Variants in FOXO1 observed in about 807,000 individuals in gnomAD.
FOXO1 encodes the protein forkhead box O1.
A neutral mutation model predicts 44.1 loss-of-function variants in FOXO1; 6 were observed. The ratio of observed to expected loss-of-function variants is 0.14; its 90% CI spans 0.07 to 0.27. The LOEUF (loss-of-function observed/expected upper bound fraction) is 0.27. Among genes scored for constraint, FOXO1 ranks in the 10% least tolerant of loss-of-function variants. The probability of loss-of-function intolerance (pLI) is 1.00; values close to 1 mark genes in which losing one functional copy is unlikely to be tolerated. For missense variants in FOXO1, 737 were observed against 888.8 expected (o/e 0.83, Z 2.17); for synonymous variants, 380 against 362.7 (o/e 1.05, Z -0.54).
chr13:40,652,228 A>C (rs1877708518), intron 1 of FOXO1, among the ~76,000 whole-genome samples: 1 of 152,136 alleles, frequency 6.6e-6, no homozygotes, highest in Non-Finnish European at 1.5e-5. Flanking sequence ...CCTGTATTCA[A>C]ATCACAGTAT....
chr13:40,602,441 C>T (rs1875844644), intron 1 of FOXO1, among the ~76,000 whole-genome samples: 1 of 152,072 alleles, frequency 6.6e-6, no homozygotes, highest in Non-Finnish European at 1.5e-5. Context: ...TTTTAAAATT[C>T]AAAGCATAAA....
At position 40,557,518 on chromosome 13, in the gene FOXO1, A is replaced by G. The variant is rs1220205241; in HGVS notation, c.*1531T>C. ...GTAAGTTCTATTCCATTTGCTACCC[A>G]TCTGAACTTATGAACACAAATTCTA... On this transcript the variant is annotated 3_prime_UTR_variant, in exon 3 of 3. Transcript: ENST00000379561. 2 of 152,252 alleles carry G rather than the reference A, an allele frequency of 1.3e-5. No homozygotes were observed. Among genetic ancestry groups the G allele is most frequent in the African/African-American group, 4.8e-5 (2 of 41,470 alleles). The allele number at this position is 152,252 out of a possible 1,614,324, so 9.4% of individuals were successfully genotyped here.
chr13:40,650,216 G>A (rs757875657), intron 1 of FOXO1, among the ~76,000 whole-genome samples: 6 of 152,320 alleles, frequency 3.9e-5, no homozygotes, highest in Middle Eastern at 6.8e-3. Flanking sequence ...GCTTGTGGGA[G>A]TGTGGCAGTG....
chr13:40,642,962 C>A (rs887067135), intron 1 of FOXO1, among the ~76,000 whole-genome samples: 17 of 152,176 alleles, frequency 1.1e-4, no homozygotes. Context: ...ATCCAAAATT[C>A]TCTCAAGGAG....
intron 1 of FOXO1, chr13:40,620,404 T>C (rs1314069956): frequency 1.1e-5 from 7 of 663,616 alleles, no homozygotes; most frequent in African/African-American, 9.1e-5. Context: ...GTTAGTACCA[T>C]AATTCTTCCT....
At chr13:40,590,931 ACTCTC>A (rs1875344309) in intron 1 of FOXO1, among the ~76,000 whole-genome samples, 1 of 151,664 alleles carries the variant, frequency 6.6e-6, no homozygotes, top group Admixed American at 6.6e-5. Context: ...CTTCATACCT[ACTCTC>A]CTCATTTATC....
intron 1 of FOXO1, among the ~76,000 whole-genome samples, chr13:40,604,083 A>T (rs1875910712): frequency 6.6e-6 from 1 of 152,202 alleles, no homozygotes; most frequent in Admixed American, 6.5e-5. Flanking sequence ...TTATGTGCCA[A>T]AATGGGGCAA....
rs118164922 is a variant in FOXO1 at position 40,621,537 on chromosome 13, C to A, written c.630+44046G>T. 2.4e-4 allele frequency among the ~76,000 whole-genome samples: 36 copies of A among 152,290 alleles called. 1 individual carries two copies. The East Asian group carries it at 6.9e-3, about 29-fold the overall frequency. ...ATTTATATAACATTTAAAATACAAACATTAAATTATCCAGAAACACAAAAT... is the reference window on the plus strand; with the variant it reads ...ATTTATATAACATTTAAAATACAAAAATTAAATTATCCAGAAACACAAAAT... On this transcript the variant is annotated intron_variant, in intron 1 of 2. Transcript: ENST00000379561.
At chr13:40,571,245 A>G (rs1162859242) in intron 1 of FOXO1, among the ~76,000 whole-genome samples, 1 of 152,080 alleles carries the variant, frequency 6.6e-6, no homozygotes, top group Non-Finnish European at 1.5e-5. Context: ...AGGGGGAGGG[A>G]TAGCATTAGG....
chr13:40,584,075 G>C (rs1875055633), intron 1 of FOXO1, among the ~76,000 whole-genome samples: 2 of 152,118 alleles, frequency 1.3e-5, no homozygotes, highest in African/African-American at 2.4e-5. Flanking sequence ...ACCCTGAAGA[G>C]GGGGAGACAG....
At chr13:40,643,720 A>G (rs554327870) in intron 1 of FOXO1, among the ~76,000 whole-genome samples, 1 of 152,176 alleles carries the variant, frequency 6.6e-6, no homozygotes, top group South Asian at 2.1e-4. Context: ...ATATAATCCT[A>G]ATGTCCGTAA....
At chr13:40,658,853 C>T (rs1287560551) in intron 1 of FOXO1, among the ~76,000 whole-genome samples, 1 of 150,890 alleles carries the variant, frequency 6.6e-6, no homozygotes, top group Non-Finnish European at 1.5e-5. Context: ...ACTAAAAATA[C>T]AAAAAAAAAT....
chr13:40,610,980 T>A (rs766009568), intron 1 of FOXO1: 2 of 448,728 alleles, frequency 4.5e-6, no homozygotes, highest in Non-Finnish European at 8.9e-6. Flanking sequence ...CATGTATCTA[T>A]ACACATACAT....
At chr13:40,624,580 T>G (rs1391109164) in intron 1 of FOXO1, among the ~76,000 whole-genome samples, 1 of 152,152 alleles carries the variant, frequency 6.6e-6, no homozygotes, top group Admixed American at 6.5e-5. Flanking sequence ...AGCACTCATC[T>G]CATCATAAAC....
intron 1 of FOXO1, among the ~76,000 whole-genome samples, chr13:40,614,373 A>T (rs1422347900): frequency 6.6e-6 from 1 of 152,226 alleles, no homozygotes; most frequent in Admixed American, 6.5e-5. Context: ...TCAAAGTGTG[A>T]TTCTGCAACA....
At chr13:40,615,263 G>A (rs956680320) in intron 1 of FOXO1, among the ~76,000 whole-genome samples, 6 of 152,166 alleles carry the variant, frequency 3.9e-5, no homozygotes, top group Non-Finnish European at 5.9e-5. Context: ...GGGGCCAGAC[G>A]CAGTGGCTCA....
chr13:40,562,259 G>A (rs898686855), intron 1 of FOXO1, among the ~76,000 whole-genome samples: 1 of 152,148 alleles, frequency 6.6e-6, no homozygotes, highest in Admixed American at 6.6e-5. Flanking sequence ...AACCTGGGAT[G>A]GGAAGAAATG....
At chr13:40,603,353 CAAAAAAAA>C (rs60741629) in intron 1 of FOXO1, among the ~76,000 whole-genome samples, 3 of 73,976 alleles carry the variant, frequency 4.1e-5, no homozygotes, top group Admixed American at 2.9e-4. Flanking sequence ...CAGATGAATC[CAAAAAAAA>C]AAAAAAAAAA....
chr13:40,646,278 T>C (rs1877506230), intron 1 of FOXO1, among the ~76,000 whole-genome samples: 1 of 149,994 alleles, frequency 6.7e-6, no homozygotes, highest in African/African-American at 2.5e-5. Context: ...AAAGCAAAAG[T>C]TGACTTCTGT....
Sources: allele counts gnomAD v4.1 joint callset (sites outside exome capture counted in the v4.1 genomes callset), GRCh38; gene constraint gnomAD v4.1.1; transcripts MANE v1.5; gene names NCBI Gene and HGNC (gene_info 2026-07-23, HGNC 2026-07-21).